Variants in SERGEF observed in about 807,000 individuals in gnomAD.
The protein encoded by SERGEF is secretion-regulating guanine nucleotide exchange factor.
A neutral mutation model predicts 50.0 loss-of-function variants in SERGEF; 51 were observed. That is an observed-to-expected ratio of 1.02 (90% CI 0.81 to 1.29). The LOEUF (loss-of-function observed/expected upper bound fraction) is 1.29, where lower values mean the gene tolerates loss of function less well. Among genes scored for constraint, SERGEF ranks in the 50% most tolerant of loss-of-function variants. The pLI is 0.00. For missense variants in SERGEF, 521 were observed against 557.0 expected (o/e 0.94, Z 0.65); for synonymous variants, 205 against 212.4 (o/e 0.97, Z 0.30).
chr11:17,988,721 C>T lies in SERGEF; in HGVS notation c.720G>A (p.Lys240=). ...CAGCCTCATTAGCCAGTTGCCCATG[C>T]TTGTTGCTTCCCCAAACATACACCT... ...AGEVYVWGSN[K]HGQLANEAAF... The change falls in exon 8 of 11, where the codon AAG becomes AAA. Residue 240 remains lysine, a synonymous_variant. Coordinates refer to ENST00000265965, the MANE Select transcript of SERGEF (RefSeq NM_012139.4). 1 of 1,614,118 alleles carries T rather than the reference C, an allele frequency of 6.2e-7. No homozygotes were observed. The highest frequency in any genetic ancestry group is 8.5e-7 in the Non-Finnish European group (1 of 1,179,990).
chr11:17,921,117 C>T (rs554174254), intron 9 of SERGEF, among the ~76,000 whole-genome samples: 272 of 152,246 alleles, frequency 1.8e-3, no homozygotes, highest in African/African-American at 2.6e-3. Context: ...TCAAAATAAA[C>T]GGGTTTGGCA....
At chr11:17,844,914 A>AAAAC (rs1320773506) in intron 10 of SERGEF, among the ~76,000 whole-genome samples, 2 of 127,582 alleles carry the variant, frequency 1.6e-5, no homozygotes, top group African/African-American at 2.6e-5. Context: ...AAAACAAAAC[A>AAAAC]AAACAAACAA....
intron 9 of SERGEF, among the ~76,000 whole-genome samples, chr11:17,901,723 C>A (rs1264244594): frequency 6.6e-6 from 1 of 152,182 alleles, no homozygotes; most frequent in Non-Finnish European, 1.5e-5. Context: ...GAAATTTCAT[C>A]ATGCTCAGAA....
intron 10 of SERGEF, among the ~76,000 whole-genome samples, chr11:17,867,122 A>G (rs540505631): frequency 3.0e-4 from 46 of 152,360 alleles, no homozygotes; most frequent in Non-Finnish European, 4.8e-4. Context: ...TTTTCTTAAC[A>G]GTGTCCTAAA....
chr11:18,008,138 CCTGTCT>C, intron 1 of SERGEF, 62 bp from the exon 2 acceptor site: 1 of 1,521,106 alleles, frequency 6.6e-7, no homozygotes, highest in Non-Finnish European at 9.0e-7. Flanking sequence ...TGTCTATTTA[CCTGTCT>C]CTGTCTCTCT....
chr11:17,820,832 G>T (rs1024009457), intron 10 of SERGEF, among the ~76,000 whole-genome samples: 2 of 152,188 alleles, frequency 1.3e-5, no homozygotes, highest in African/African-American at 4.8e-5. Context: ...CTGACACACA[G>T]ACAAAAGAGG....
intron 9 of SERGEF, among the ~76,000 whole-genome samples, chr11:17,911,402 T>TAC (rs1011103573): frequency 4.7e-5 from 7 of 148,836 alleles, no homozygotes; most frequent in African/African-American, 1.7e-4. Flanking sequence ...CACATATATA[T>TAC]ACACACACAC....
At position 17,877,800 on chromosome 11, in the gene SERGEF, G is replaced by A. The variant is rs573540318; in HGVS notation, c.1048+408C>T. 5.5e-4 allele frequency: 91 copies of A among 165,160 alleles called. 1 individual carries two copies. Among genetic ancestry groups the A allele is most frequent in the Admixed American group, 1.9e-3 (30 of 15,920 alleles). 10.2% of individuals were successfully genotyped at this position (165,160 alleles called of 1,614,324 possible). On this transcript the variant is annotated intron_variant, in intron 10 of 10. Transcript: ENST00000265965. ...CTAAATACAAGGCAGCAAGGGCAGT[G>A]AGCAGAGCCGCATATTTCCAAAGAA...
At chr11:17,827,630 A>G (rs1850221074) in intron 10 of SERGEF, among the ~76,000 whole-genome samples, 1 of 152,114 alleles carries the variant, frequency 6.6e-6, no homozygotes, top group African/African-American at 2.4e-5. Context: ...CCTACTCTTC[A>G]GTTACCTCTC....
At chr11:17,947,993 C>A (rs564478563) in intron 9 of SERGEF, among the ~76,000 whole-genome samples, 1 of 148,438 alleles carries the variant, frequency 6.7e-6, no homozygotes, top group Non-Finnish European at 1.5e-5. Flanking sequence ...TGTTCTATCA[C>A]CCAGGCTGGA....
At chr11:17,906,078 G>A (rs1225244209) in intron 9 of SERGEF, among the ~76,000 whole-genome samples, 1 of 152,098 alleles carries the variant, frequency 6.6e-6, no homozygotes. Context: ...TGACCCTTCT[G>A]GCATAACCAC....
At chr11:17,951,361 C>T (rs1487989404) in intron 9 of SERGEF, among the ~76,000 whole-genome samples, 1 of 152,128 alleles carries the variant, frequency 6.6e-6, no homozygotes, top group African/African-American at 2.4e-5. Flanking sequence ...AATGAGAAAG[C>T]TAAGGCTTGG....
At chr11:17,896,645 A>AGGGAAG (rs1851635867) in intron 9 of SERGEF, among the ~76,000 whole-genome samples, 1 of 26,616 alleles carries the variant, frequency 3.8e-5, no homozygotes, top group Non-Finnish European at 6.7e-5. Context: ...GGGAAGGGGA[A>AGGGAAG]GGGAAGGGGA....
intron 8 of SERGEF, among the ~76,000 whole-genome samples, chr11:17,987,773 T>G (rs1223248744): frequency 3.3e-5 from 5 of 152,162 alleles, no homozygotes; most frequent in Non-Finnish European, 7.4e-5. Context: ...TAAGAGTCAC[T>G]AGATATTTGG....
At chr11:17,964,305 G>A (rs1321477225) in intron 8 of SERGEF, among the ~76,000 whole-genome samples, 2 of 151,570 alleles carry the variant, frequency 1.3e-5, no homozygotes, top group Admixed American at 1.3e-4. Context: ...GGGTAGGGTG[G>A]GTGGATGATG....
rs557528725 is a variant in SERGEF at position 17,817,873 on chromosome 11, C to T, written c.1049-29460G>A. Among the ~76,000 whole-genome samples the T allele has an allele frequency of 3.9e-5, 6 of 152,308 alleles. No individual in the cohort carries two copies. In the South Asian group the frequency reaches 1.2e-3, roughly 32 times the overall value. On this transcript the variant is annotated intron_variant, in intron 10 of 10. Coordinates refer to ENST00000265965, the MANE Select transcript of SERGEF (RefSeq NM_012139.4). Reference sequence around the variant, plus strand: ...AGGATGATGTTATAACCACTCCAACCTAAACTCAGGGAGGCCAGTTGACTT... The same window carrying T: ...AGGATGATGTTATAACCACTCCAACTTAAACTCAGGGAGGCCAGTTGACTT...
At chr11:17,957,210 C>T (rs906217354) in intron 9 of SERGEF, among the ~76,000 whole-genome samples, 1 of 152,182 alleles carries the variant, frequency 6.6e-6, no homozygotes, top group Non-Finnish European at 1.5e-5. Flanking sequence ...GGCTCTTAGA[C>T]TAAATTTTGC....
At chr11:17,929,334 C>T (rs1852309862) in intron 9 of SERGEF, among the ~76,000 whole-genome samples, 1 of 152,114 alleles carries the variant, frequency 6.6e-6, no homozygotes, top group African/African-American at 2.4e-5. Context: ...CTCAAGGCAG[C>T]CACTAAGAGG....
intron 9 of SERGEF, among the ~76,000 whole-genome samples, chr11:17,936,675 A>G (rs1356489831): frequency 6.6e-6 from 1 of 152,214 alleles, no homozygotes; most frequent in Non-Finnish European, 1.5e-5. Context: ...ACCAACAGGC[A>G]TTTCACAGAG....
Sources: allele counts gnomAD v4.1 joint callset (sites outside exome capture counted in the v4.1 genomes callset), GRCh38; gene constraint gnomAD v4.1.1; transcripts MANE v1.5; gene names NCBI Gene and HGNC (gene_info 2026-07-23, HGNC 2026-07-21).